Variants in CSMD1 observed in about 807,000 individuals in gnomAD.
CSMD1 encodes CUB and Sushi multiple domains 1, also known as CUB and sushi domain-containing protein 1.
CSMD1 carries 213 observed loss-of-function variants against 417.5 expected under a neutral mutation model. The observed-to-expected ratio is 0.51, with a 90% CI of 0.46 to 0.57. CSMD1 has a LOEUF of 0.57. CSMD1 is among the 20% of genes least tolerant of loss of function. The pLI, the probability that CSMD1 is intolerant of heterozygous loss-of-function variation, is 0.00. For missense variants in CSMD1, 6,923 were observed against 4,529.7 expected, an observed-to-expected ratio of 1.53 and a Z score of -15.17; for synonymous variants, 2,862 against 1,736.8, an observed-to-expected ratio of 1.65 and a Z score of -16.11.
intron 7 of CSMD1, among the ~76,000 whole-genome samples, chr8:3,686,729 G>C (rs112229819): frequency 2.0e-5 from 3 of 152,128 alleles, no homozygotes; most frequent in African/African-American, 7.2e-5. Flanking sequence ...GCCTTGCCAC[G>C]TTTCACAAGC....
chr8:4,694,825 C>T lies in CSMD1; in HGVS notation c.86-57267G>A, dbSNP rs774087879. Among the ~76,000 whole-genome samples, 7 of 152,118 alleles carry T rather than the reference C, an allele frequency of 4.6e-5. No individual in the cohort carries two copies. The South Asian group carries it at 1.0e-3, about 23-fold the overall frequency. On this transcript the variant is annotated intron_variant, in intron 1 of 69. Coordinates refer to ENST00000635120, the MANE Select transcript of CSMD1 (RefSeq NM_033225.6). Reference sequence around the variant, plus strand: ...TGGCAAAATAAACTTTCTAAATTGACCGAGACCTGTCTCAGATATTCTCGT... The same window carrying T: ...TGGCAAAATAAACTTTCTAAATTGATCGAGACCTGTCTCAGATATTCTCGT...
intron 52 of CSMD1, among the ~76,000 whole-genome samples, chr8:3,000,988 CTT>C (rs111647151): frequency 1.4e-5 from 2 of 145,758 alleles, no homozygotes; most frequent in African/African-American, 5.0e-5. Flanking sequence ...CATTTTTTTT[CTT>C]TTTTTTTTTG....
At chr8:4,048,646 A>G (rs1032917556) in intron 3 of CSMD1, among the ~76,000 whole-genome samples, 1 of 152,232 alleles carries the variant, frequency 6.6e-6, no homozygotes, top group Non-Finnish European at 1.5e-5. Flanking sequence ...TTGGGTGTCA[A>G]TCTGACTTCC....
chr8:4,657,644 A>G (rs1477650521), intron 1 of CSMD1, among the ~76,000 whole-genome samples: 1 of 152,064 alleles, frequency 6.6e-6, no homozygotes, highest in Non-Finnish European at 1.5e-5. Context: ...ACCAATGTAT[A>G]ATAGTAAACA....
intron 1 of CSMD1, among the ~76,000 whole-genome samples, chr8:4,786,924 T>C (rs1468789512): frequency 6.6e-6 from 1 of 152,222 alleles, no homozygotes; most frequent in East Asian, 1.9e-4. Flanking sequence ...AGTACTTCAT[T>C]TAAAAGGCAC....
At chr8:3,401,251 G>C (rs1475266913) in intron 15 of CSMD1, among the ~76,000 whole-genome samples, 1 of 152,006 alleles carries the variant, frequency 6.6e-6, no homozygotes, top group Non-Finnish European at 1.5e-5. Context: ...AAATCTGCAT[G>C]ATAAGTTATT....
intron 3 of CSMD1, among the ~76,000 whole-genome samples, chr8:4,348,022 G>T (rs1413428130): frequency 6.6e-6 from 1 of 152,012 alleles, no homozygotes; most frequent in East Asian, 1.9e-4. Flanking sequence ...TATGCATAAA[G>T]AGGAAAAAAA....
chr8:3,658,068 G>A (rs1201089919), intron 7 of CSMD1, among the ~76,000 whole-genome samples: 1 of 152,038 alleles, frequency 6.6e-6, no homozygotes, highest in Admixed American at 6.6e-5. Context: ...TCAGCCCAGA[G>A]GCATTCAGCA....
chr8:3,610,298 C>G lies in CSMD1; in HGVS notation c.1097+6412G>C, dbSNP rs551334402. Reference sequence around the variant, plus strand: ...CAGTAATTCCAGCAATTTTGAATGTCAAGGAGGGAGGACTGCTTGAGGCCA... The same window carrying G: ...CAGTAATTCCAGCAATTTTGAATGTGAAGGAGGGAGGACTGCTTGAGGCCA... On this transcript the variant is annotated intron_variant, in intron 8 of 69. Transcript: ENST00000635120. Among the ~76,000 whole-genome samples the G allele has an allele frequency of 1.4e-3, 212 of 152,170 alleles. 1 individual carries two copies. The highest frequency in any genetic ancestry group is 3.4e-3 in the Middle Eastern group (1 of 294).
chr8:3,519,070 T>A (rs555283962), intron 10 of CSMD1, among the ~76,000 whole-genome samples: 25 of 152,350 alleles, frequency 1.6e-4, no homozygotes, highest in African/African-American at 4.8e-4. Flanking sequence ...AAACCAGAGT[T>A]AAGGAATTTG....
intron 3 of CSMD1, among the ~76,000 whole-genome samples, chr8:4,038,207 T>C (rs528078582): frequency 6.6e-6 from 1 of 152,270 alleles, no homozygotes. Context: ...ATTTTCTTTT[T>C]AAAAAGTTTT....
chr8:3,647,045 G>C (rs940698987), intron 7 of CSMD1, among the ~76,000 whole-genome samples: 11 of 152,134 alleles, frequency 7.2e-5, no homozygotes, highest in Non-Finnish European at 1.2e-4. Flanking sequence ...GGTGCTTCTT[G>C]CGTGTCAGCT....
chr8:3,724,423 G>C (rs1356668032), intron 6 of CSMD1, among the ~76,000 whole-genome samples: 1 of 152,060 alleles, frequency 6.6e-6, no homozygotes, highest in Admixed American at 6.6e-5. Flanking sequence ...TTTAAATGAA[G>C]TGATAAACAT....
chr8:3,565,616 T>TA (rs954530171), intron 10 of CSMD1, among the ~76,000 whole-genome samples: 46 of 152,144 alleles, frequency 3.0e-4, no homozygotes, highest in African/African-American at 8.9e-4. Context: ...TCAAGTTCTT[T>TA]AAAAAAACCA....
intron 2 of CSMD1, among the ~76,000 whole-genome samples, chr8:4,599,343 T>G (rs920645974): frequency 3.3e-5 from 5 of 151,972 alleles, no homozygotes; most frequent in East Asian, 1.9e-4. Context: ...AACCCCAGAA[T>G]AGCATGGTCA....
intron 5 of CSMD1, among the ~76,000 whole-genome samples, chr8:3,824,776 T>C (rs1037303498): frequency 6.6e-6 from 1 of 152,056 alleles, no homozygotes; most frequent in Non-Finnish European, 1.5e-5. Flanking sequence ...TCACAATATA[T>C]TGGACAGCAG....
intron 3 of CSMD1, among the ~76,000 whole-genome samples, chr8:4,386,091 G>A (rs1163738075): frequency 1.3e-5 from 2 of 151,912 alleles, no homozygotes; most frequent in African/African-American, 2.4e-5. Context: ...CTCTTCTCTC[G>A]CTGTACCCAG....
In CSMD1 at chr8:4,896,193, C is replaced by T. The variant is rs182968241; in HGVS notation, c.85+98139G>A. Among the ~76,000 whole-genome samples, 156 of 152,124 alleles carry T rather than the reference C, an allele frequency of 1.0e-3. 4 individuals carry two copies. The highest frequency in any genetic ancestry group is 3.5e-3 in the African/African-American group (145 of 41,446). The stretch of plus-strand genomic sequence containing the variant: ...CCTTTGTCTTTCATATTCAGCATGG[C>T]TTTTGTGAAGTGTCTTGTCAGTCTG... On this transcript the variant is annotated intron_variant, in intron 1 of 69. Coordinates refer to ENST00000635120, the MANE Select transcript of CSMD1 (RefSeq NM_033225.6).
intron 6 of CSMD1, among the ~76,000 whole-genome samples, chr8:3,720,310 G>C (rs531346508): frequency 3.9e-4 from 60 of 152,230 alleles, no homozygotes; most frequent in Non-Finnish European, 3.4e-4. Context: ...AAAAAGAAAG[G>C]GGAGAGAGAG....
Sources: allele counts gnomAD v4.1 joint callset (sites outside exome capture counted in the v4.1 genomes callset), GRCh38; gene constraint gnomAD v4.1.1; transcripts MANE v1.5; gene names NCBI Gene and HGNC (gene_info 2026-07-23, HGNC 2026-07-21).